TOX2: variants seen among roughly 807,000 people sequenced by gnomAD.
TOX2 encodes the protein granulosa cell HMG box 1.
A neutral mutation model predicts 47.4 loss-of-function variants in TOX2; 15 were observed. That is an observed-to-expected ratio of 0.32 (90% confidence interval 0.21 to 0.49). The LOEUF (loss-of-function observed/expected upper bound fraction) is 0.49. Ranked by LOEUF, TOX2 falls within the 20% of genes least tolerant of loss-of-function variation. The pLI is 0.99. For missense variants in TOX2, 622 were observed against 673.1 expected (o/e 0.92, Z 0.84); for synonymous variants, 290 against 296.6 (o/e 0.98, Z 0.23).
At chr20:43,985,489 T>G (rs1442049057) in intron 2 of TOX2, among the ~76,000 whole-genome samples, 1 of 152,178 alleles carries the variant, frequency 6.6e-6, no homozygotes, top group Non-Finnish European at 1.5e-5. Flanking sequence ...TGGGGAAGCT[T>G]GGACAAGTTA....
At chr20:43,966,010 C>T (rs1285721186) in intron 1 of TOX2, among the ~76,000 whole-genome samples, 7 of 152,138 alleles carry the variant, frequency 4.6e-5, no homozygotes, top group Admixed American at 4.6e-4. Context: ...TATATCATAA[C>T]AATGATAATA....
intron 3 of TOX2, among the ~76,000 whole-genome samples, chr20:44,037,551 A>T (rs1031176581): frequency 6.6e-6 from 1 of 151,846 alleles, no homozygotes; most frequent in East Asian, 1.9e-4. Context: ...AAATCACTTA[A>T]CTCTCTGGGT....
At chr20:43,956,794 A>G (rs1055847299) in intron 1 of TOX2, among the ~76,000 whole-genome samples, 2 of 152,008 alleles carry the variant, frequency 1.3e-5, no homozygotes, top group Non-Finnish European at 2.9e-5. Flanking sequence ...CAGTAAGTTT[A>G]TTTTATGTGC....
At chr20:44,059,701 T>C (rs1373967160) in intron 5 of TOX2, among the ~76,000 whole-genome samples, 1 of 152,096 alleles carries the variant, frequency 6.6e-6, no homozygotes, top group Non-Finnish European at 1.5e-5. Flanking sequence ...TTCAAAGCAA[T>C]GCTGAGAGAA....
Position 44,065,718 on chromosome 20 carries a change from C to T in TOX2, c.967C>T (p.Pro323Ser). The change falls in exon 7 of 9, where the codon CCA (proline) becomes TCA (serine). Residue 323 changes from proline to serine, a missense_variant. This residue lies in a region of TOX2 where 294 missense variants were observed against 300.0 expected (regional missense o/e 0.98). Transcript: ENST00000341197. ...YRASLVSKSS[P>S]DQGETKSTQA... is the part of the protein sequence containing the mutation. Reference sequence around the variant, plus strand: ...GATATCTGTCTCCTTCCAGAGCTCCCCAGATCAAGGTGAGACCAAGAGCAC... The same window carrying T: ...GATATCTGTCTCCTTCCAGAGCTCCTCAGATCAAGGTGAGACCAAGAGCAC... The T allele has an allele frequency of 1.3e-6, 2 of 1,582,624 alleles. No individual in the cohort carries two copies. The highest frequency in any genetic ancestry group is 1.7e-6 in the Non-Finnish European group (2 of 1,158,354).
chr20:43,948,447 G>T (rs1050879192), intron 1 of TOX2, among the ~76,000 whole-genome samples: 3 of 152,228 alleles, frequency 2.0e-5, no homozygotes, highest in African/African-American at 7.2e-5. Flanking sequence ...CTTCATGTTT[G>T]AAATTAATTT....
intron 2 of TOX2, among the ~76,000 whole-genome samples, chr20:43,977,902 G>T (rs762106657): frequency 6.6e-6 from 1 of 152,152 alleles, no homozygotes; most frequent in African/African-American, 2.4e-5. Flanking sequence ...TCCTTCCTGG[G>T]ACGAGGTGAG....
intron 3 of TOX2, among the ~76,000 whole-genome samples, chr20:44,042,358 A>G (rs1012806352): frequency 6.6e-6 from 1 of 152,240 alleles, no homozygotes; most frequent in South Asian, 2.1e-4. Context: ...GTGTGAAACC[A>G]TATCAATATG....
chr20:43,973,988 G>A lies in TOX2; in HGVS notation c.165+556G>A, dbSNP rs552749340. Among the ~76,000 whole-genome samples the A allele has an allele frequency of 3.3e-5, 5 of 152,262 alleles. No homozygotes were observed. The East Asian group carries it at 9.7e-4, about 29-fold the overall frequency. The stretch of plus-strand genomic sequence containing the variant: ...CGAACCCCAGCCTGGCCCTCTGGGG[G>A]GTCATAGTTGCCAGTTGGAATCAGA... On this transcript the variant is annotated intron_variant, in intron 2 of 8. Coordinates refer to ENST00000341197, the MANE Select transcript of TOX2 (RefSeq NM_001098797.2).
chr20:44,003,913 G>T (rs2070632313), intron 2 of TOX2, among the ~76,000 whole-genome samples: 1 of 152,186 alleles, frequency 6.6e-6, no homozygotes, highest in Non-Finnish European at 1.5e-5. Context: ...CTCATCATTT[G>T]ATGTGGGATT....
intron 3 of TOX2, among the ~76,000 whole-genome samples, chr20:44,017,594 T>C (rs2070902191): frequency 6.6e-6 from 1 of 152,234 alleles, no homozygotes. Flanking sequence ...TTATTTGACC[T>C]TGTATCCTCT....
chr20:44,007,983 C>T (rs1325782611), intron 3 of TOX2, among the ~76,000 whole-genome samples: 1 of 151,978 alleles, frequency 6.6e-6, no homozygotes, highest in Non-Finnish European at 1.5e-5. Flanking sequence ...CTTAAGCTGC[C>T]AGAGAAGAGG....
intron 3 of TOX2, among the ~76,000 whole-genome samples, chr20:44,010,610 C>A (rs547933913): frequency 6.6e-6 from 1 of 152,086 alleles, no homozygotes; most frequent in Non-Finnish European, 1.5e-5. Flanking sequence ...GACAAAGGGG[C>A]GTGGCTCTGT....
chr20:44,005,444 C>T (rs1315861078), intron 2 of TOX2, among the ~76,000 whole-genome samples: 1 of 152,166 alleles, frequency 6.6e-6, no homozygotes, highest in Non-Finnish European at 1.5e-5. Context: ...GCTAAAGTAA[C>T]CTTGTTACTA....
intron 2 of TOX2, among the ~76,000 whole-genome samples, chr20:43,993,486 A>G (rs1022145747): frequency 6.6e-6 from 1 of 151,974 alleles, no homozygotes; most frequent in Non-Finnish European, 1.5e-5. Flanking sequence ...GAGGAATTGA[A>G]CATCTCTCCC....
intron 1 of TOX2, among the ~76,000 whole-genome samples, chr20:43,938,251 CAGG>C (rs1253813502): frequency 1.3e-5 from 2 of 152,148 alleles, no homozygotes; most frequent in Non-Finnish European, 2.9e-5. Context: ...CAGTGATGGC[CAGG>C]AGAAGGGCCT....
chr20:44,053,607 T>C (rs200893031), intron 4 of TOX2, among the ~76,000 whole-genome samples: 4,545 of 62,578 alleles, frequency 0.073, 98 homozygotes, highest in Non-Finnish European at 0.091. Context: ...CACATATATA[T>C]ACATATACAC....
intron 4 of TOX2, among the ~76,000 whole-genome samples, chr20:44,052,448 G>A (rs6130511): frequency 0.062 from 9,414 of 152,234 alleles, 364 homozygotes; most frequent in East Asian, 0.13. Context: ...TGCCTCTGTC[G>A]ATCCAGTGTC....
At chr20:43,947,969 C>A (rs188591064) in intron 1 of TOX2, among the ~76,000 whole-genome samples, 1 of 152,310 alleles carries the variant, frequency 6.6e-6, no homozygotes, top group Admixed American at 6.5e-5. Context: ...AGGTTTAAGA[C>A]CTTGTTTTAA....
Sources: gnomAD v4.1 joint callset for allele counts (sites outside exome capture counted in the v4.1 genomes callset) on GRCh38, gnomAD v4.1.1 for gene constraint, gnomAD v4.1.1 regional missense constraint, MANE v1.5 for transcripts, NCBI Gene and HGNC (gene_info 2026-07-23, HGNC 2026-07-21) for gene names.